KANSL1: variants seen among roughly 807,000 people sequenced by gnomAD.
KANSL1 encodes MLL1/MLL complex subunit KANSL1.
Under a neutral mutation model 103.6 loss-of-function variants are expected in KANSL1, and 22 were observed. That is an observed-to-expected ratio of 0.21 (90% CI 0.15 to 0.30). The LOEUF (loss-of-function observed/expected upper bound fraction) is 0.30, where lower values mean the gene tolerates loss of function less well. Among genes scored for constraint, KANSL1 ranks in the 10% least tolerant of loss-of-function variants. The pLI, the probability that KANSL1 is intolerant of heterozygous loss-of-function variation, is 1.00. For synonymous variants in KANSL1, 600 were observed against 527.6 expected, an observed-to-expected ratio of 1.14 and a Z score of -1.88; for missense variants, 1,337 against 1,399.8, an observed-to-expected ratio of 0.96 and a Z score of 0.72.
At chr17:46,062,998 C>T (rs1358159357) in intron 6 of KANSL1, among the ~76,000 whole-genome samples, 2 of 152,106 alleles carry the variant, frequency 1.3e-5, no homozygotes, top group South Asian at 2.1e-4. Context: ...TGCAGTGAGC[C>T]GAGATCGCAC....
chr17:46,058,017 G>C (rs2077994067), intron 6 of KANSL1, among the ~76,000 whole-genome samples: 1 of 152,194 alleles, frequency 6.6e-6, no homozygotes, highest in African/African-American at 2.4e-5. Flanking sequence ...CTAGACTGCA[G>C]GGCAGGGAGA....
At chr17:46,037,344 A>G (rs188628602) in intron 10 of KANSL1, 1 of 152,272 alleles carries the variant, frequency 6.6e-6, no homozygotes, top group Non-Finnish European at 1.5e-5. Context: ...GGGGGTAAAG[A>G]AAGTCGAAGA....
chr17:46,069,871 T>C (rs1323967656), intron 4 of KANSL1, among the ~76,000 whole-genome samples: 1 of 152,178 alleles, frequency 6.6e-6, no homozygotes, highest in Non-Finnish European at 1.5e-5. Context: ...CATATAAGTA[T>C]GCTACAATGA....
intron 1 of KANSL1, among the ~76,000 whole-genome samples, chr17:46,217,892 G>A (rs2048391658): frequency 6.6e-6 from 1 of 152,232 alleles, no homozygotes; most frequent in African/African-American, 2.4e-5. Flanking sequence ...TGGGCATGGT[G>A]ACACGTGACT....
At chr17:46,145,732 T>C (rs2044660853) in intron 2 of KANSL1, among the ~76,000 whole-genome samples, 1 of 152,212 alleles carries the variant, frequency 6.6e-6, no homozygotes, top group Admixed American at 6.5e-5. Context: ...TACTAGCTTT[T>C]CCTTGTTTTT....
chr17:46,071,797 T>C (rs1450723577), intron 4 of KANSL1, among the ~76,000 whole-genome samples: 6 of 152,188 alleles, frequency 3.9e-5, no homozygotes, highest in Admixed American at 3.3e-4. Context: ...TTGAATTTTA[T>C]TTGATGTTGA....
chr17:46,039,290 G>C, intron 8 of KANSL1, 75 bp from the exon 9 acceptor site: 1 of 1,395,906 alleles, frequency 7.2e-7, no homozygotes, highest in South Asian at 1.5e-5. Flanking sequence ...CCAAGCTCTC[G>C]AGTTCTCTCT....
chr17:46,062,848 G>A (rs964817495), intron 6 of KANSL1, among the ~76,000 whole-genome samples: 13 of 151,728 alleles, frequency 8.6e-5, no homozygotes, highest in African/African-American at 2.7e-4. Context: ...TCAGGAGTTC[G>A]AGACCAGTCT....
chr17:46,063,451 G>A (rs1568405299), intron 6 of KANSL1, among the ~76,000 whole-genome samples: 1 of 152,218 alleles, frequency 6.6e-6, no homozygotes, highest in African/African-American at 2.4e-5. Context: ...CATGTCATGA[G>A]TGAGGAGCCA....
At chr17:46,050,262 T>C (rs1013222844) in intron 7 of KANSL1, 4 of 483,096 alleles carry the variant, frequency 8.3e-6, no homozygotes, top group Non-Finnish European at 3.7e-6. Flanking sequence ...TTGGACCAGA[T>C]TACTGTGGCT....
chr17:46,122,025 C>A (rs2043303425), intron 2 of KANSL1, among the ~76,000 whole-genome samples: 1 of 152,190 alleles, frequency 6.6e-6, no homozygotes. Flanking sequence ...TGTGGGTACT[C>A]AAAGTACAGT....
At chr17:46,038,994 T>G in intron 9 of KANSL1, 33 bp downstream of exon 9, 3 of 1,593,576 alleles carry the variant, frequency 1.9e-6, no homozygotes, top group Non-Finnish European at 2.6e-6. Flanking sequence ...GCAGGTGCAG[T>G]TGCAGGTAGA....
At chr17:46,052,814 A>AAAT (rs1555739594) in intron 6 of KANSL1, among the ~76,000 whole-genome samples, 1 of 142,300 alleles carries the variant, frequency 7.0e-6, no homozygotes, top group African/African-American at 2.5e-5. Flanking sequence ...AAAAAAAAAA[A>AAAT]TTTAGCCCAG....
At chr17:46,164,215 A>ACAAT (rs1468634262) in intron 2 of KANSL1, among the ~76,000 whole-genome samples, 17 of 152,392 alleles carry the variant, frequency 1.1e-4, no homozygotes, top group African/African-American at 3.6e-4. Flanking sequence ...AACAAAAACA[A>ACAAT]CAATCACAAG....
intron 2 of KANSL1, among the ~76,000 whole-genome samples, chr17:46,119,371 A>C (rs1295967462): frequency 6.6e-6 from 1 of 150,618 alleles, no homozygotes; most frequent in African/African-American, 2.5e-5. Flanking sequence ...GCCCAGGCGC[A>C]ATCTTGGTTC....
At chr17:46,092,226 G>A (rs2079424428) in intron 3 of KANSL1, among the ~76,000 whole-genome samples, 1 of 152,192 alleles carries the variant, frequency 6.6e-6, no homozygotes, top group South Asian at 2.1e-4. Context: ...GTTAAGCAAT[G>A]TGTGATGGTA....
intron 4 of KANSL1, among the ~76,000 whole-genome samples, chr17:46,069,409 C>T (rs143675176): frequency 6.6e-6 from 1 of 152,156 alleles, no homozygotes; most frequent in African/African-American, 2.4e-5. Flanking sequence ...GATAAAACAC[C>T]AAAGGACTGA....
intron 3 of KANSL1, among the ~76,000 whole-genome samples, chr17:46,085,857 G>A (rs1057129191): frequency 6.6e-6 from 1 of 152,130 alleles, no homozygotes; most frequent in Non-Finnish European, 1.5e-5. Context: ...CAAACTCCTA[G>A]ACTCAAGCAA....
chr17:46,129,159 G>A (rs925422889), intron 2 of KANSL1, among the ~76,000 whole-genome samples: 1 of 152,162 alleles, frequency 6.6e-6, no homozygotes. Context: ...CAAGGGCCAT[G>A]TTTGTCCTAT....
Sources: allele counts gnomAD v4.1 joint callset (sites outside exome capture counted in the v4.1 genomes callset), GRCh38; gene constraint gnomAD v4.1.1; transcripts MANE v1.5; gene names NCBI Gene and HGNC (gene_info 2026-07-23, HGNC 2026-07-21).